Variants in SGCD observed in about 807,000 individuals in gnomAD.
SGCD encodes delta-sarcoglycan.
SGCD carries 18 observed loss-of-function variants against 36.6 expected under a neutral mutation model. The ratio of observed to expected loss-of-function variants is 0.49; its 90% CI spans 0.34 to 0.73. The LOEUF (loss-of-function observed/expected upper bound fraction) is 0.73. Ranked by LOEUF, SGCD falls within the 30% of genes least tolerant of loss-of-function variation. The pLI is 0.01. For missense variants in SGCD, 387 were observed against 346.7 expected (o/e 1.12, Z -0.92); for synonymous variants, 133 against 130.6 (o/e 1.02, Z -0.12).
intron 3 of SGCD, among the ~76,000 whole-genome samples, chr5:156,245,754 A>G (rs1765424233): frequency 6.6e-6 from 1 of 152,154 alleles, no homozygotes; most frequent in Non-Finnish European, 1.5e-5. Context: ...CTAGAAGACA[A>G]CAAATAACTT....
At chr5:155,754,176 C>T in the SGCD span, among the ~76,000 whole-genome samples, 3 of 152,142 alleles carry the variant, frequency 2.0e-5, no homozygotes, top group Non-Finnish European at 4.4e-5. Flanking sequence ...GGACCTGTGA[C>T]CATGAATGCT....
intron 3 of SGCD, among the ~76,000 whole-genome samples, chr5:156,286,052 A>G (rs1004067192): frequency 1.7e-4 from 26 of 152,352 alleles, no homozygotes; most frequent in African/African-American, 5.8e-4. Context: ...ACATTTATGC[A>G]GCCAAAAGAC....
chr5:156,057,244 C>A lies in SGCD; in HGVS notation c.-281-60634C>A, dbSNP rs1224715419. Reference sequence around the variant, plus strand: ...ATCATTTCATACAGGGACACTTCTTCAAACCCACCCCAAAGATAAACTTGC... The same window carrying A: ...ATCATTTCATACAGGGACACTTCTTAAAACCCACCCCAAAGATAAACTTGC... On this transcript the variant is annotated intron_variant, in intron 1 of 9. Coordinates refer to the SGCD transcript ENST00000517913. Among the ~76,000 whole-genome samples the A allele has an allele frequency of 2.0e-5, 3 of 146,376 alleles. 1 individual carries two copies. Among genetic ancestry groups the A allele is most frequent in the Non-Finnish European group, 4.6e-5 (3 of 64,964 alleles).
chr5:156,695,690 T>G (rs1400916467), intron 7 of SGCD, among the ~76,000 whole-genome samples: 1 of 152,184 alleles, frequency 6.6e-6, no homozygotes, highest in Non-Finnish European at 1.5e-5. Flanking sequence ...ATTGCAAATT[T>G]CTGTAAACAG....
rs376287964 is a variant in SGCD, at chr5:156,292,336, G to C, written c.-43-37198G>C. On this transcript the variant is annotated intron_variant, in intron 3 of 9. Coordinates refer to the SGCD transcript ENST00000517913. ...TTCTACTTTTTATCGCTATAATTTT[G>C]ACTAAGTACCACGAACAAGTGGGAT... Among the ~76,000 whole-genome samples, 4 of 152,100 alleles carry C rather than the reference G, an allele frequency of 2.6e-5. No homozygotes were observed. The East Asian group carries it at 7.7e-4, about 29-fold the overall frequency.
chr5:156,468,007 A>G (rs1427638061), intron 3 of SGCD, among the ~76,000 whole-genome samples: 1 of 152,138 alleles, frequency 6.6e-6, no homozygotes, highest in African/African-American at 2.4e-5. Context: ...CAGTGTTAGG[A>G]AGCTGATTTA....
intron 4 of SGCD, among the ~76,000 whole-genome samples, chr5:156,547,636 G>A (rs1368765961): frequency 6.6e-6 from 1 of 151,942 alleles, no homozygotes; most frequent in East Asian, 1.9e-4. Flanking sequence ...TAGAGACAGG[G>A]TTTCACCATG....
Position 156,591,474 on chromosome 5 carries a change from G to A in SGCD, c.382+2156G>A, listed in dbSNP as rs1581219514. On this transcript the variant is annotated intron_variant, in intron 5 of 8. Coordinates refer to ENST00000337851, the MANE Select transcript of SGCD (RefSeq NM_000337.6). ...TGGGGAACCCTCCCACCTACATGGA[G>A]GAAAGCAGTGGAGATGCTTTGGACA... is the stretch of plus-strand genomic sequence containing the variant. Among the ~76,000 whole-genome samples, 3 of 152,202 alleles carry A rather than the reference G, an allele frequency of 2.0e-5. No homozygotes were observed. In the East Asian group the frequency reaches 5.8e-4, roughly 29 times the overall value.
At chr5:156,576,898 T>G (rs1049415934) in intron 4 of SGCD, among the ~76,000 whole-genome samples, 3 of 152,238 alleles carry the variant, frequency 2.0e-5, no homozygotes, top group Admixed American at 1.3e-4. Flanking sequence ...TTTCTTTCGC[T>G]GTGCAGAAGC....
At chr5:155,903,220 G>A (rs187781782) in intron 1 of SGCD, among the ~76,000 whole-genome samples, 37 of 152,212 alleles carry the variant, frequency 2.4e-4, no homozygotes, top group Admixed American at 1.0e-3. Flanking sequence ...TCCATTGGTC[G>A]TTTTCTTTTT....
the SGCD span, among the ~76,000 whole-genome samples, chr5:155,808,876 G>GTC: frequency 3.3e-5 from 5 of 152,232 alleles, no homozygotes; most frequent in African/African-American, 4.8e-5. Flanking sequence ...GTTACAAAGA[G>GTC]ACAGATCTAG....
intron 3 of SGCD, among the ~76,000 whole-genome samples, chr5:156,276,216 G>C (rs1766314374): frequency 6.6e-6 from 1 of 152,104 alleles, no homozygotes; most frequent in South Asian, 2.1e-4. Flanking sequence ...CTGTTCAGAG[G>C]GAGGCTCCAT....
chr5:156,573,359 A>T (rs1425478213), intron 4 of SGCD, among the ~76,000 whole-genome samples: 13 of 152,202 alleles, frequency 8.5e-5, no homozygotes, highest in African/African-American at 3.1e-4. Context: ...TCCGGTCATG[A>T]AATATTTTGT....
At chr5:156,423,345 T>TAA (rs1773485471) in intron 3 of SGCD, among the ~76,000 whole-genome samples, 1 of 34,108 alleles carries the variant, frequency 2.9e-5, no homozygotes, top group South Asian at 1.0e-3. Flanking sequence ...ATATAATATA[T>TAA]TATAATTTTA....
Position 156,609,664 on chromosome 5 carries a change from C to T in SGCD, c.502+14613C>T, listed in dbSNP as rs166809. Among the ~76,000 whole-genome samples the T allele has an allele frequency of 7.4e-4, 113 of 152,254 alleles. 1 individual carries two copies. Among genetic ancestry groups the T allele is most frequent in the African/African-American group, 2.4e-3 (98 of 41,538 alleles). Reference sequence around the variant, plus strand: ...TTTTCCAACTTGGTTCCATTCTCCCCGTCACTTTCAGGTACACCAATCAGA... The same window carrying T: ...TTTTCCAACTTGGTTCCATTCTCCCTGTCACTTTCAGGTACACCAATCAGA... On this transcript the variant is annotated intron_variant, in intron 6 of 8. Coordinates refer to ENST00000337851, the MANE Select transcript of SGCD (RefSeq NM_000337.6).
intron 1 of SGCD, among the ~76,000 whole-genome samples, chr5:155,987,460 C>G (rs941472174): frequency 6.6e-6 from 1 of 152,182 alleles, no homozygotes; most frequent in Admixed American, 6.5e-5. Flanking sequence ...GTTTGTTACT[C>G]ACAGTTTCTA....
At chr5:155,993,680 T>G (rs1758481620) in intron 1 of SGCD, among the ~76,000 whole-genome samples, 1 of 152,132 alleles carries the variant, frequency 6.6e-6, no homozygotes, top group African/African-American at 2.4e-5. Flanking sequence ...AAATGAGTCT[T>G]CACTTACACG....
At chr5:156,618,080 TC>T (rs1762087138) in intron 6 of SGCD, among the ~76,000 whole-genome samples, 1 of 152,204 alleles carries the variant, frequency 6.6e-6, no homozygotes, top group East Asian at 1.9e-4. Context: ...CTGAAGTATT[TC>T]ATCAGTACGC....
intron 3 of SGCD, among the ~76,000 whole-genome samples, chr5:156,475,486 G>A (rs1445451116): frequency 6.6e-6 from 1 of 152,152 alleles, no homozygotes; most frequent in African/African-American, 2.4e-5. Context: ...ACAGCACAGT[G>A]CATCTCTTAT....
Sources: allele counts gnomAD v4.1 joint callset (sites outside exome capture counted in the v4.1 genomes callset), GRCh38; gene constraint gnomAD v4.1.1; transcripts MANE v1.5; gene names NCBI Gene and HGNC (gene_info 2026-07-23, HGNC 2026-07-21).